Variants in DNAJC15 observed in about 807,000 individuals in gnomAD.
DNAJC15 encodes the protein dnaJ homolog subfamily C member 15.
Under a neutral mutation model 22.4 loss-of-function variants are expected in DNAJC15, and 27 were observed. The observed-to-expected ratio is 1.20, with a 90% CI of 0.89 to 1.66. DNAJC15 has a LOEUF of 1.66. DNAJC15 is among the 40% of genes most tolerant of loss of function. The pLI, the probability that DNAJC15 is intolerant of heterozygous loss-of-function variation, is 0.00. For synonymous variants in DNAJC15, 79 were observed against 63.2 expected (o/e 1.25, Z -1.19); for missense variants, 208 against 187.1 (o/e 1.11, Z -0.65).
At chr13:43,082,471 C>G (rs1202181415) in intron 4 of DNAJC15, among the ~76,000 whole-genome samples, 3 of 152,042 alleles carry the variant, frequency 2.0e-5, no homozygotes, top group Admixed American at 2.0e-4. Context: ...ATAATAATAA[C>G]TAAAAGGAAA....
chr13:43,023,801 C>T (rs989346989), intron 1 of DNAJC15, 67 bp downstream of exon 1: 86 of 1,395,104 alleles, frequency 6.2e-5, no homozygotes, highest in East Asian at 2.5e-5. Flanking sequence ...GCCCCCTCTA[C>T]CGCCTCACCC....
At chr13:43,099,597 G>A (rs1170920518) in intron 5 of DNAJC15, among the ~76,000 whole-genome samples, 3 of 152,110 alleles carry the variant, frequency 2.0e-5, no homozygotes, top group South Asian at 4.1e-4. Context: ...TCCTGAAAGT[G>A]TGTTGAATCT....
chr13:43,101,095 A>G (rs1173533545), intron 5 of DNAJC15, among the ~76,000 whole-genome samples: 2 of 152,156 alleles, frequency 1.3e-5, no homozygotes, highest in Admixed American at 6.5e-5. Context: ...TGCTGTCAGG[A>G]TATGTCTTTT....
rs1196813305 is a variant in DNAJC15 at position 43,108,368 on chromosome 13, C to A, written c.*1120C>A. On this transcript the variant is annotated 3_prime_UTR_variant, in exon 6 of 6. Coordinates refer to ENST00000379221, the MANE Select transcript of DNAJC15 (RefSeq NM_013238.3). ...AAGGCCAGCCCTGTGACTTACACTG[C>A]ATTAAATTAATTTCTTAGAACATAG... 6.6e-6 allele frequency: 1 copy of A among 152,142 alleles called. No homozygotes were observed. Among genetic ancestry groups the A allele is most frequent in the East Asian group, 1.9e-4 (1 of 5,194 alleles). The allele number at this position is 152,142 out of a possible 1,614,324, so 9.4% of individuals were successfully genotyped here.
intron 1 of DNAJC15, among the ~76,000 whole-genome samples, chr13:43,059,946 A>C (rs1282839646): frequency 1.3e-5 from 2 of 152,186 alleles, no homozygotes; most frequent in Non-Finnish European, 2.9e-5. Flanking sequence ...TACACTGATC[A>C]GTTAGGGTGG....
rs142938764 is a variant in DNAJC15, at chr13:43,045,655, T to C, written c.109-20031T>C. ...ATTTTTAACTACTAGGTTTAGGCCA[T>C]GCAGGCTCGGGCGTGGTTTTGGGCC... On this transcript the variant is annotated intron_variant, in intron 1 of 5. Transcript: ENST00000379221. 8.6e-3 allele frequency among the ~76,000 whole-genome samples: 1,315 copies of C among 152,326 alleles called. 25 individuals are homozygous for C. Among genetic ancestry groups the C allele is most frequent in the African/African-American group, 0.028 (1,178 of 41,572 alleles).
chr13:43,068,863 A>C, intron 2 of DNAJC15, 67 bp from the exon 3 acceptor site: 17 of 1,305,974 alleles, frequency 1.3e-5, no homozygotes, highest in Non-Finnish European at 1.8e-5. Context: ...TGTTGCAAGC[A>C]CTTTGAAGGT....
chr13:43,101,476 T>C (rs186370316), intron 5 of DNAJC15, among the ~76,000 whole-genome samples: 2 of 152,304 alleles, frequency 1.3e-5, no homozygotes, highest in East Asian at 3.9e-4. Flanking sequence ...ATGGAAAAGC[T>C]TTTTTGTGGT....
intron 1 of DNAJC15, among the ~76,000 whole-genome samples, chr13:43,044,206 C>T (rs954714666): frequency 6.6e-6 from 1 of 152,128 alleles, no homozygotes; most frequent in Non-Finnish European, 1.5e-5. Context: ...AATAGTAAGA[C>T]AGCATAAAAC....
At chr13:43,100,471 C>G (rs2040762776) in intron 5 of DNAJC15, among the ~76,000 whole-genome samples, 1 of 152,064 alleles carries the variant, frequency 6.6e-6, no homozygotes, top group Non-Finnish European at 1.5e-5. Context: ...CCTCACCCTC[C>G]CAAAGTGCTG....
intron 5 of DNAJC15, among the ~76,000 whole-genome samples, chr13:43,102,622 A>G (rs151132386): frequency 3.9e-5 from 6 of 152,108 alleles, no homozygotes; most frequent in African/African-American, 1.4e-4. Flanking sequence ...AAAATAAATT[A>G]ATAAATATAT....
At chr13:43,047,681 T>G (rs1310182780) in intron 1 of DNAJC15, among the ~76,000 whole-genome samples, 3 of 152,186 alleles carry the variant, frequency 2.0e-5, no homozygotes, top group African/African-American at 7.2e-5. Flanking sequence ...CAGGCCTGAT[T>G]AACTTGAAGC....
At chr13:43,092,021 G>A (rs936147112) in intron 5 of DNAJC15, among the ~76,000 whole-genome samples, 4 of 151,988 alleles carry the variant, frequency 2.6e-5, no homozygotes, top group Non-Finnish European at 5.9e-5. Context: ...TTTGTTGACT[G>A]TATTGTTCAG....
chr13:43,107,174 T>C lies in DNAJC15; in HGVS notation c.383-4T>C. On this transcript the variant is annotated splice_polypyrimidine_tract_variant and splice_region_variant and intron_variant, in intron 5 of 5. Transcript: ENST00000379221. ...TTTTAATTCATTTTTCTTTGTTCTCTCAGGTGGATCTCCTTACGTAGCAGC... is the reference window on the plus strand; with the variant it reads ...TTTTAATTCATTTTTCTTTGTTCTCCCAGGTGGATCTCCTTACGTAGCAGC... 6.4e-7 allele frequency: 1 copy of C among 1,563,892 alleles called. No homozygotes were observed. Among genetic ancestry groups the C allele is most frequent in the Non-Finnish European group, 8.6e-7 (1 of 1,160,358 alleles).
intron 1 of DNAJC15, among the ~76,000 whole-genome samples, chr13:43,051,471 A>G (rs746566455): frequency 8.5e-5 from 13 of 152,110 alleles, no homozygotes; most frequent in Non-Finnish European, 1.8e-4. Flanking sequence ...ATCAATTCTT[A>G]TGCCTTGCAT....
intron 4 of DNAJC15, among the ~76,000 whole-genome samples, chr13:43,080,709 C>T (rs1257450111): frequency 6.6e-6 from 1 of 152,172 alleles, no homozygotes; most frequent in Non-Finnish European, 1.5e-5. Flanking sequence ...AATATTCTGC[C>T]TTGTTGGAAT....
rs780491905 is a variant in DNAJC15, at chr13:43,110,701, TATC to T, written c.*3456_*3458del. The T allele has an allele frequency of 7.2e-5, 11 of 152,304 alleles. No homozygotes were observed. The highest frequency in any genetic ancestry group is 1.9e-4 in the African/African-American group (8 of 41,570). The allele number at this position is 152,304 out of a possible 1,614,324, so 9.4% of individuals were successfully genotyped here. A position where few individuals can be genotyped will look rare whatever the true frequency, so the allele number is the denominator to read the frequency against. On this transcript the variant is annotated 3_prime_UTR_variant, in exon 6 of 6. Transcript: ENST00000379221. ...TTTCTGGTGCATCCAGCAAAAGTAA[TATC>T]ATGAATTATGAGCTCTCTGAGAGCA...
intron 5 of DNAJC15, among the ~76,000 whole-genome samples, chr13:43,092,167 G>A (rs545273682): frequency 3.9e-5 from 6 of 152,018 alleles, no homozygotes; most frequent in African/African-American, 1.4e-4. Context: ...AGGATTTTGG[G>A]GACAAATGAT....
intron 3 of DNAJC15, among the ~76,000 whole-genome samples, chr13:43,076,689 A>C (rs1443720601): frequency 6.6e-6 from 1 of 152,202 alleles, no homozygotes; most frequent in Non-Finnish European, 1.5e-5. Flanking sequence ...CTAAGTTTAT[A>C]CATCCTGTTT....
Sources: allele counts gnomAD v4.1 joint callset (sites outside exome capture counted in the v4.1 genomes callset), GRCh38; gene constraint gnomAD v4.1.1; transcripts MANE v1.5; gene names NCBI Gene and HGNC (gene_info 2026-07-23, HGNC 2026-07-21).